PCDH15: variants seen among roughly 807,000 people sequenced by gnomAD.
PCDH15 encodes the protein protocadherin-15.
PCDH15 carries 129 observed loss-of-function variants against 178.5 expected under a neutral mutation model. The observed-to-expected ratio is 0.72, with a 90% CI of 0.63 to 0.84. The LOEUF (loss-of-function observed/expected upper bound fraction) is 0.84. Among genes scored for constraint, PCDH15 ranks in the 40% least tolerant of loss-of-function variants. The pLI is 0.00. For synonymous variants in PCDH15, 800 were observed against 732.0 expected (o/e 1.09, Z -1.50); for missense variants, 2,230 against 2,099.9 (o/e 1.06, Z -1.21).
chr10:55,527,502 G>A (rs1053181635), intron 2 of PCDH15, among the ~76,000 whole-genome samples: 1 of 151,882 alleles, frequency 6.6e-6, no homozygotes, highest in African/African-American at 2.4e-5. Flanking sequence ...TTCATCTTAA[G>A]GAATTACATC....
chr10:53,978,309 T>C (rs973059728), intron 21 of PCDH15, among the ~76,000 whole-genome samples: 2 of 152,142 alleles, frequency 1.3e-5, no homozygotes, highest in Non-Finnish European at 2.9e-5. Context: ...TCAATTACTG[T>C]CTTCTCTACA....
chr10:54,672,389 C>T (rs2094691623), intron 1 of PCDH15, among the ~76,000 whole-genome samples: 2 of 152,096 alleles, frequency 1.3e-5, no homozygotes, highest in African/African-American at 4.8e-5. Context: ...GAATCTATGA[C>T]TTGCTTCTAA....
intron 6 of PCDH15, among the ~76,000 whole-genome samples, chr10:54,334,515 G>C (rs1940615929): frequency 6.6e-6 from 1 of 152,176 alleles, no homozygotes; most frequent in Non-Finnish European, 1.5e-5. Flanking sequence ...GGAATATGGG[G>C]TTATTAGCAC....
intron 1 of PCDH15, among the ~76,000 whole-genome samples, chr10:55,232,296 T>C (rs1018544425): frequency 1.3e-5 from 2 of 152,088 alleles, no homozygotes; most frequent in Non-Finnish European, 2.9e-5. Flanking sequence ...TTAACATTCA[T>C]GGAATAATAT....
chr10:54,225,947 C>T (rs1312810732), intron 9 of PCDH15, among the ~76,000 whole-genome samples: 1 of 152,082 alleles, frequency 6.6e-6, no homozygotes, highest in African/African-American at 2.4e-5. Flanking sequence ...AAGGGATAAG[C>T]AGCAGTGTAT....
chr10:54,418,473 G>A (rs1286333116), intron 3 of PCDH15, among the ~76,000 whole-genome samples: 3 of 151,878 alleles, frequency 2.0e-5, no homozygotes, highest in Non-Finnish European at 4.4e-5. Context: ...TGTTCATCCA[G>A]CCTTCATTCA....
chr10:54,607,109 T>C (rs572336116), intron 2 of PCDH15: 2 of 152,236 alleles, frequency 1.3e-5, no homozygotes, highest in South Asian at 2.1e-4. Flanking sequence ...AAGTAACTTA[T>C]ACTTAATATT....
At chr10:53,878,347 T>C (rs2080420263) in intron 26 of PCDH15, among the ~76,000 whole-genome samples, 1 of 141,950 alleles carries the variant, frequency 7.0e-6, no homozygotes, top group Non-Finnish European at 1.5e-5. Context: ...CTATATATAA[T>C]AGACTATATA....
At chr10:54,032,232 C>T (rs916899054) in intron 18 of PCDH15, among the ~76,000 whole-genome samples, 1 of 151,796 alleles carries the variant, frequency 6.6e-6, no homozygotes, top group Non-Finnish European at 1.5e-5. Flanking sequence ...ACTGATTATT[C>T]TTCAGCCCTA....
At chr10:54,370,440 T>C (rs951337826) in intron 4 of PCDH15, among the ~76,000 whole-genome samples, 3 of 151,966 alleles carry the variant, frequency 2.0e-5, no homozygotes, top group African/African-American at 7.2e-5. Context: ...TTCACTAGAC[T>C]GGAAGCTCAA....
At chr10:54,888,704 T>C (rs565250681) in intron 3 of PCDH15, among the ~76,000 whole-genome samples, 62 of 151,342 alleles carry the variant, frequency 4.1e-4, no homozygotes, top group African/African-American at 1.4e-3. Context: ...TTTTAATTTG[T>C]ATTTCCTTAA....
chr10:54,877,238 A>G (rs1324038101), intron 3 of PCDH15, among the ~76,000 whole-genome samples: 1 of 152,184 alleles, frequency 6.6e-6, no homozygotes, highest in Non-Finnish European at 1.5e-5. Flanking sequence ...CATAATTTTT[A>G]TATGCACTGG....
intron 25 of PCDH15, among the ~76,000 whole-genome samples, chr10:53,903,681 A>G (rs774634269): frequency 3.9e-5 from 6 of 152,134 alleles, no homozygotes; most frequent in Admixed American, 2.0e-4. Context: ...CACGTTCACA[A>G]ACACTTCACA....
chr10:55,024,472 TAC>T (rs72197261), intron 2 of PCDH15, among the ~76,000 whole-genome samples: 2,373 of 149,744 alleles, frequency 0.016, 63 homozygotes, highest in African/African-American at 0.055. Flanking sequence ...CATATATATA[TAC>T]ACACACACAT....
At position 54,472,287 on chromosome 10, in the gene PCDH15, C is replaced by CAAA. The variant is rs201074584; in HGVS notation, c.157+55522_157+55524dup. On this transcript the variant is annotated intron_variant, in intron 3 of 37. Coordinates refer to ENST00000644397, the MANE Select transcript of PCDH15 (RefSeq NM_001384140.1). ...TTTGGTTGCTGTTCCAAATGTTATG[C>CAAA]AAAAAAAAAAAAAAATCAATTTGAT... Among the ~76,000 whole-genome samples, 521 of 120,372 alleles carry CAAA rather than the reference C, an allele frequency of 4.3e-3. 5 individuals are homozygous for CAAA. The highest frequency in any genetic ancestry group is 0.026 in the East Asian group (102 of 3,998). 79.0% of individuals were successfully genotyped at this position (120,372 alleles called of 152,430 possible).
chr10:55,395,194 T>TGAGA (rs1362426463), intron 2 of PCDH15, among the ~76,000 whole-genome samples: 10 of 91,102 alleles, frequency 1.1e-4, no homozygotes, highest in African/African-American at 4.4e-4. Flanking sequence ...TGTGTGTGTG[T>TGAGA]GTGAGAGAGA....
intron 23 of PCDH15, among the ~76,000 whole-genome samples, chr10:53,955,560 G>A (rs1028125518): frequency 3.3e-5 from 5 of 152,090 alleles, no homozygotes; most frequent in South Asian, 2.1e-4. Context: ...GTATTGGAAC[G>A]AAGACATTCC....
At chr10:53,807,270 G>GTCT (rs1841248716) in intron 37 of PCDH15, 140 bp from the exon 38 acceptor site, 2 of 654,990 alleles carry the variant, frequency 3.1e-6, no homozygotes, top group Admixed American at 3.1e-5. Context: ...AAGGAAGCCA[G>GTCT]TCTTTATTAA....
intron 2 of PCDH15, among the ~76,000 whole-genome samples, chr10:55,366,862 A>T (rs977774427): frequency 6.6e-6 from 1 of 151,982 alleles, no homozygotes; most frequent in South Asian, 2.1e-4. Flanking sequence ...CTATTTTCTC[A>T]AAAGTGTTCA....
Sources: allele counts gnomAD v4.1 joint callset (sites outside exome capture counted in the v4.1 genomes callset), GRCh38; gene constraint gnomAD v4.1.1; transcripts MANE v1.5; gene names NCBI Gene and HGNC (gene_info 2026-07-23, HGNC 2026-07-21).